The following ANK2 variants were observed in gnomAD, a reference collection of about 807,000 sequenced individuals.
ANK2 encodes the protein ankyrin 2, also known as ankyrin-2.
Under a neutral mutation model 360.5 loss-of-function variants are expected in ANK2, and 83 were observed. The observed-to-expected ratio is 0.23, with a 90% CI of 0.19 to 0.28. The LOEUF (loss-of-function observed/expected upper bound fraction) is 0.28. Ranked by LOEUF, ANK2 falls within the 10% of genes least tolerant of loss-of-function variation. The pLI, the probability that ANK2 is intolerant of heterozygous loss-of-function variation, is 1.00. For synonymous variants in ANK2, 1,740 were observed against 1,759.5 expected (o/e 0.99, Z 0.28); for missense variants, 4,201 against 4,795.7 (o/e 0.88, Z 3.66).
At chr4:113,307,907 A>G (rs2078040410) in intron 23 of ANK2, among the ~76,000 whole-genome samples, 1 of 152,208 alleles carries the variant, frequency 6.6e-6, no homozygotes, top group South Asian at 2.1e-4. Flanking sequence ...ACAATAAAAC[A>G]ACAAGAAAAA....
At chr4:112,768,296 C>G in the ANK2 span, among the ~76,000 whole-genome samples, 1 of 152,074 alleles carries the variant, frequency 6.6e-6, no homozygotes, top group African/African-American at 2.4e-5. Flanking sequence ...CTCTGTCACC[C>G]AGGCTGGAGT....
At chr4:113,196,552 A>G in intron 3 of ANK2, 86 bp downstream of exon 3, 1 of 1,242,082 alleles carries the variant, frequency 8.1e-7, no homozygotes, top group Non-Finnish European at 1.1e-6. Context: ...TTTTTAGACA[A>G]GGTCTCTTTC....
chr4:112,907,183 G>C (rs367932492), intron 2 of ANK2, among the ~76,000 whole-genome samples: 152 of 152,298 alleles, frequency 1.0e-3, no homozygotes, highest in African/African-American at 3.6e-3. Flanking sequence ...AGTAGAGTTA[G>C]ACTGAAAGTG....
At chr4:112,970,448 G>A (rs556033526) in intron 2 of ANK2, among the ~76,000 whole-genome samples, 4 of 151,336 alleles carry the variant, frequency 2.6e-5, no homozygotes, top group South Asian at 2.1e-4. Flanking sequence ...TCTGCCTCCC[G>A]GCTTCAAGCA....
chr4:112,748,138 C>T, the ANK2 span, among the ~76,000 whole-genome samples: 1 of 152,090 alleles, frequency 6.6e-6, no homozygotes, highest in Non-Finnish European at 1.5e-5. Flanking sequence ...TGATGTAGAA[C>T]ACGAAGAGCT....
At chr4:112,770,089 G>T in the ANK2 span, among the ~76,000 whole-genome samples, 1 of 152,128 alleles carries the variant, frequency 6.6e-6, no homozygotes, top group Non-Finnish European at 1.5e-5. Flanking sequence ...TATCTGGAGA[G>T]CCCTGACTAA....
In ANK2 at chr4:113,265,517, T is replaced by C. The variant is rs571282429; in HGVS notation, c.1485+522T>C. On this transcript the variant is annotated intron_variant, in intron 14 of 45. Coordinates refer to ENST00000357077, the MANE Select transcript of ANK2 (RefSeq NM_001148.6). Reference sequence around the variant, plus strand: ...TCTTCTTACTCTGATTTTACAAATTTAGACATTCTGTATTTCCACAGTTCC... The same window carrying C: ...TCTTCTTACTCTGATTTTACAAATTCAGACATTCTGTATTTCCACAGTTCC... Among the ~76,000 whole-genome samples, 7 of 152,314 alleles carry C rather than the reference T, an allele frequency of 4.6e-5. No individual in the cohort carries two copies. In the South Asian group the frequency reaches 1.4e-3, roughly 32 times the overall value.
At chr4:112,711,361 A>G in the ANK2 span, among the ~76,000 whole-genome samples, 4 of 152,128 alleles carry the variant, frequency 2.6e-5, no homozygotes, top group Admixed American at 2.6e-4. Flanking sequence ...TATCTTTACA[A>G]AAAATACAAA....
At chr4:112,720,812 A>G in the ANK2 span, among the ~76,000 whole-genome samples, 1 of 152,220 alleles carries the variant, frequency 6.6e-6, no homozygotes, top group African/African-American at 2.4e-5. Context: ...TTTCTTGCCT[A>G]GAGATTGTGT....
chr4:113,008,490 G>A (rs1435150956), intron 2 of ANK2, among the ~76,000 whole-genome samples: 1 of 152,120 alleles, frequency 6.6e-6, no homozygotes, highest in Non-Finnish European at 1.5e-5. Flanking sequence ...CTCAAATTTT[G>A]AAATTTACTT....
At chr4:112,888,299 TTATC>T (rs2078985055) in intron 1 of ANK2, among the ~76,000 whole-genome samples, 1 of 152,164 alleles carries the variant, frequency 6.6e-6, no homozygotes, top group Admixed American at 6.5e-5. Context: ...AAGTTAGAGA[TTATC>T]TAATCACTAT....
At chr4:112,983,270 T>C (rs1227829233) in intron 2 of ANK2, among the ~76,000 whole-genome samples, 1 of 152,114 alleles carries the variant, frequency 6.6e-6, no homozygotes, top group Non-Finnish European at 1.5e-5. Flanking sequence ...ATATGTATGT[T>C]ATAAAATAAT....
intron 2 of ANK2, among the ~76,000 whole-genome samples, chr4:112,911,143 AG>A (rs2087121467): frequency 7.1e-6 from 1 of 140,862 alleles, no homozygotes; most frequent in Non-Finnish European, 1.5e-5. Context: ...TTTTTAGTAG[AG>A]ACTTTAGTAG....
chr4:112,777,459 T>C, the ANK2 span, among the ~76,000 whole-genome samples: 7 of 152,098 alleles, frequency 4.6e-5, no homozygotes, highest in Non-Finnish European at 1.0e-4. Flanking sequence ...GCCAGGATCG[T>C]CTTGATCTCC....
the ANK2 span, among the ~76,000 whole-genome samples, chr4:112,757,552 T>G: frequency 6.6e-6 from 1 of 152,204 alleles, no homozygotes; most frequent in Admixed American, 6.5e-5. Flanking sequence ...TCCTGTGAGG[T>G]GAGAGCTAAT....
chr4:112,990,240 GCCTGGGTGACAGAGTGAGA>G (rs761728941), intron 2 of ANK2, among the ~76,000 whole-genome samples: 28 of 152,254 alleles, frequency 1.8e-4, no homozygotes, highest in Admixed American at 6.5e-4. Flanking sequence ...CTGAACTCCA[GCCTGGGTGACAGAGTGAGA>G]CCCTGTCTCA....
the ANK2 span, among the ~76,000 whole-genome samples, chr4:112,736,145 A>C: frequency 2.0e-5 from 3 of 152,086 alleles, no homozygotes; most frequent in African/African-American, 2.4e-5. Flanking sequence ...ATAGCTGCTA[A>C]ATTTATCTTA....
intron 1 of ANK2, among the ~76,000 whole-genome samples, chr4:112,864,521 G>A (rs2069464759): frequency 6.6e-6 from 1 of 151,806 alleles, no homozygotes; most frequent in African/African-American, 2.4e-5. Context: ...TGCTGACCAG[G>A]CTGGTCTCGA....
Position 113,211,051 on chromosome 4 carries a change from T to C in ANK2, c.384+11942T>C, listed in dbSNP as rs141161416. ...TGGAAATAAGTATTGCTCAACAAAA[T>C]CTATAAGGACTGTTGATAGAAACCT... is the stretch of plus-strand genomic sequence containing the variant. On this transcript the variant is annotated intron_variant, in intron 4 of 45. Transcript: ENST00000357077. 2.8e-3 allele frequency among the ~76,000 whole-genome samples: 430 copies of C among 152,282 alleles called. 2 individuals carry two copies. Among genetic ancestry groups the C allele is most frequent in the African/African-American group, 9.7e-3 (402 of 41,570 alleles).
Sources: gnomAD v4.1 joint callset for allele counts (sites outside exome capture counted in the v4.1 genomes callset) on GRCh38, gnomAD v4.1.1 for gene constraint, MANE v1.5 for transcripts, NCBI Gene and HGNC (gene_info 2026-07-23, HGNC 2026-07-21) for gene names.